Variants in MAGI2 observed in about 807,000 individuals in gnomAD.
The protein encoded by MAGI2 is membrane associated guanylate kinase, WW and PDZ domain containing 2.
In MAGI2, 35 loss-of-function variants were observed where a neutral mutation model predicts 133.3. The ratio of observed to expected loss-of-function variants is 0.26; its 90% CI spans 0.20 to 0.35. MAGI2 has a LOEUF of 0.35. Ranked by LOEUF, MAGI2 falls within the 10% of genes least tolerant of loss-of-function variation. MAGI2 has a pLI of 1.00. For missense variants in MAGI2, 1,636 were observed against 1,863.4 expected (o/e 0.88, Z 2.25); for synonymous variants, 729 against 710.6 (o/e 1.03, Z -0.41).
At chr7:78,274,022 T>G (rs953099506) in intron 9 of MAGI2, among the ~76,000 whole-genome samples, 1 of 152,100 alleles carries the variant, frequency 6.6e-6, no homozygotes, top group African/African-American at 2.4e-5. Flanking sequence ...GGCATTCTGG[T>G]TTTTGGAATT....
chr7:78,458,876 C>T (rs536218308), intron 6 of MAGI2, among the ~76,000 whole-genome samples: 3 of 152,184 alleles, frequency 2.0e-5, no homozygotes, highest in African/African-American at 4.8e-5. Context: ...CCTCGTGATC[C>T]GCCCGCCTTG....
At chr7:79,296,999 AT>A (rs1461111022) in intron 1 of MAGI2, among the ~76,000 whole-genome samples, 1 of 4,308 alleles carries the variant, frequency 2.3e-4, no homozygotes, top group Non-Finnish European at 6.5e-4. Flanking sequence ...TACCCCATAA[AT>A]ATGTACAATT....
intron 2 of MAGI2, among the ~76,000 whole-genome samples, chr7:78,996,404 G>A (rs1054799433): frequency 2.6e-5 from 4 of 152,098 alleles, no homozygotes; most frequent in African/African-American, 4.8e-5. Flanking sequence ...AGCTCACACA[G>A]GAACAGAAAA....
chr7:78,811,493 AC>A (rs1294031602), intron 2 of MAGI2, among the ~76,000 whole-genome samples: 1 of 151,980 alleles, frequency 6.6e-6, no homozygotes, highest in Non-Finnish European at 1.5e-5. Flanking sequence ...ATATGAATAT[AC>A]ATTTTTCTTA....
chr7:79,167,443 A>G (rs1825061032), intron 1 of MAGI2, among the ~76,000 whole-genome samples: 1 of 151,762 alleles, frequency 6.6e-6, no homozygotes, highest in Non-Finnish European at 1.5e-5. Context: ...TCAAAATAAA[A>G]AAGTAAAATA....
chr7:78,443,591 A>C (rs1253102504), intron 6 of MAGI2, among the ~76,000 whole-genome samples: 1 of 152,144 alleles, frequency 6.6e-6, no homozygotes, highest in Non-Finnish European at 1.5e-5. Flanking sequence ...ATAACATGTA[A>C]CTAATCCTGT....
intron 1 of MAGI2, among the ~76,000 whole-genome samples, chr7:79,289,885 T>TA (rs1284148054): frequency 6.6e-6 from 1 of 151,844 alleles, no homozygotes; most frequent in South Asian, 2.1e-4. Flanking sequence ...AAAAAAAATT[T>TA]AAAAAATAAA....
At chr7:78,659,107 A>T (rs111375699) in intron 2 of MAGI2, among the ~76,000 whole-genome samples, 2,282 of 152,252 alleles carry the variant, frequency 0.015, 56 homozygotes, top group African/African-American at 0.052. Context: ...CTATGGTACA[A>T]CCATACCATG....
At chr7:79,169,461 T>C (rs1825303606) in intron 1 of MAGI2, among the ~76,000 whole-genome samples, 1 of 152,116 alleles carries the variant, frequency 6.6e-6, no homozygotes, top group African/African-American at 2.4e-5. Flanking sequence ...CCATGAAGAC[T>C]TTAAAGCAGC....
chr7:79,020,334 T>G (rs1049927102), intron 1 of MAGI2, among the ~76,000 whole-genome samples: 2 of 152,142 alleles, frequency 1.3e-5, no homozygotes, highest in East Asian at 3.9e-4. Context: ...TTCACAAAAA[T>G]ATGTTTTGGA....
chr7:78,586,075 T>G (rs1803370299), intron 3 of MAGI2, among the ~76,000 whole-genome samples: 2 of 152,216 alleles, frequency 1.3e-5, no homozygotes, highest in Non-Finnish European at 2.9e-5. Flanking sequence ...CACCAAATTG[T>G]ATAATCATGG....
At chr7:78,286,817 G>A (rs887549717) in intron 9 of MAGI2, among the ~76,000 whole-genome samples, 1 of 152,150 alleles carries the variant, frequency 6.6e-6, no homozygotes, top group Non-Finnish European at 1.5e-5. Flanking sequence ...AACTGGTGGT[G>A]GGGATAAGTA....
intron 20 of MAGI2, among the ~76,000 whole-genome samples, chr7:78,121,000 C>CA (rs67572219): frequency 0.17 from 12,877 of 75,124 alleles, 1,545 homozygotes; most frequent in South Asian, 0.23. Flanking sequence ...GACTCCGTCT[C>CA]AAAAAAAAAA....
rs75779250 is a variant in MAGI2, at chr7:78,307,680, G to C, written c.1408+36098C>G. On this transcript the variant is annotated intron_variant, in intron 9 of 21. Transcript: ENST00000354212. ...CATTTCAGACATAGGATTTGAGGTA[G>C]ACCTTAATGAATCTAAGCATAGAGG... Among the ~76,000 whole-genome samples, 81 of 152,276 alleles carry C rather than the reference G, an allele frequency of 5.3e-4. 2 individuals carry two copies. In the East Asian group the frequency reaches 0.015, roughly 28 times the overall value.
intron 2 of MAGI2, among the ~76,000 whole-genome samples, chr7:78,752,201 A>G (rs1243254393): frequency 6.6e-6 from 1 of 152,238 alleles, no homozygotes; most frequent in Non-Finnish European, 1.5e-5. Flanking sequence ...GCAGTTGCTT[A>G]TATCAGCAGC....
At chr7:78,826,143 G>A (rs1376179400) in intron 2 of MAGI2, among the ~76,000 whole-genome samples, 1 of 151,968 alleles carries the variant, frequency 6.6e-6, no homozygotes, top group Non-Finnish European at 1.5e-5. Context: ...ACGAGGTCAG[G>A]AGGTCGAGAC....
chr7:78,090,044 T>C (rs1817030724), intron 20 of MAGI2, among the ~76,000 whole-genome samples: 1 of 152,216 alleles, frequency 6.6e-6, no homozygotes, highest in Non-Finnish European at 1.5e-5. Flanking sequence ...GCATTTTTGC[T>C]GCTGTCCTCA....
At chr7:78,276,460 T>G (rs1192747387) in intron 9 of MAGI2, among the ~76,000 whole-genome samples, 1 of 151,498 alleles carries the variant, frequency 6.6e-6, no homozygotes, top group East Asian at 1.9e-4. Flanking sequence ...GTGGTGGAAT[T>G]TTATTTTTTT....
Position 78,018,230 on chromosome 7 carries a change from C to G in MAGI2, c.*1085G>C, listed in dbSNP as rs1254382761. 1 of 152,522 alleles carries G rather than the reference C, an allele frequency of 6.6e-6. No individual in the cohort carries two copies. Among genetic ancestry groups the G allele is most frequent in the Non-Finnish European group, 1.5e-5 (1 of 68,032 alleles). The allele number at this position is 152,522 out of a possible 1,614,324, so 9.4% of individuals were successfully genotyped here. ...CAGAAAGGAATGCTAAAAAGACTCA[C>G]GTTCTTTAATGAAAATAAATTGATT... On this transcript the variant is annotated 3_prime_UTR_variant, in exon 22 of 22. Coordinates refer to ENST00000354212, the MANE Select transcript of MAGI2 (RefSeq NM_012301.4).
Sources: allele counts gnomAD v4.1 joint callset (sites outside exome capture counted in the v4.1 genomes callset), GRCh38; gene constraint gnomAD v4.1.1; transcripts MANE v1.5; gene names NCBI Gene and HGNC (gene_info 2026-07-23, HGNC 2026-07-21).